Variants in AFF2 observed in about 807,000 individuals in gnomAD.
AFF2 encodes the protein ALF transcription elongation factor 2.
A neutral mutation model predicts 76.9 loss-of-function variants in AFF2; 14 were observed. The observed-to-expected ratio is 0.18, with a 90% CI of 0.12 to 0.28. AFF2 has a LOEUF of 0.28. Ranked by LOEUF, AFF2 falls within the 10% of genes least tolerant of loss-of-function variation. AFF2 has a pLI of 1.00. For synonymous variants in AFF2, 398 were observed against 366.7 expected, an observed-to-expected ratio of 1.09 and a Z score of -0.98; for missense variants, 868 against 1,001.1, an observed-to-expected ratio of 0.87 and a Z score of 1.79.
chrX:148,730,500 G>A (rs1557264589), intron 3 of AFF2, among the ~76,000 whole-genome samples: 1 of 112,778 alleles, frequency 8.9e-6, no homozygotes, highest in African/African-American at 3.2e-5. Context: ...TCAGATTATT[G>A]TAGAGTGTTA....
intron 3 of AFF2, among the ~76,000 whole-genome samples, chrX:148,731,727 GA>G (rs1363328772): frequency 1.0e-5 from 1 of 96,642 alleles, no homozygotes; most frequent in East Asian, 3.1e-4. Context: ...AAATTTACAA[GA>G]AAAAAACAAA....
chrX:148,789,553 C>T (rs2069865083), intron 3 of AFF2, among the ~76,000 whole-genome samples: 1 of 111,354 alleles, frequency 9.0e-6, no homozygotes. Context: ...TCACCAAAGG[C>T]ACACAACTAG....
At chrX:148,567,135 TAATAG>T (rs1194371996) in intron 1 of AFF2, among the ~76,000 whole-genome samples, 2 of 111,862 alleles carry the variant, frequency 1.8e-5, no homozygotes, top group Non-Finnish European at 3.8e-5. Flanking sequence ...GACTGAAATT[TAATAG>T]AAGACTGAAC....
chrX:148,624,774 C>A (rs914613873), intron 1 of AFF2, among the ~76,000 whole-genome samples: 1 of 111,864 alleles, frequency 8.9e-6, no homozygotes, highest in Admixed American at 9.5e-5. Flanking sequence ...TGTCACATGT[C>A]CAATTTTCCC....
chrX:148,986,813 T>C (rs189592164), intron 19 of AFF2, among the ~76,000 whole-genome samples: 2 of 113,183 alleles, frequency 1.8e-5, no homozygotes, highest in African/African-American at 6.4e-5. Flanking sequence ...GAAATCATCA[T>C]AGCTCTGAGC....
At chrX:148,606,764 G>A (rs1249573434) in intron 1 of AFF2, among the ~76,000 whole-genome samples, 1 of 111,569 alleles carries the variant, frequency 9.0e-6, no homozygotes, top group African/African-American at 3.3e-5. Flanking sequence ...CAATACCTCT[G>A]GATCATGATT....
At chrX:148,734,053 T>C (rs1215037773) in intron 3 of AFF2, among the ~76,000 whole-genome samples, 1 of 112,341 alleles carries the variant, frequency 8.9e-6, no homozygotes, top group Non-Finnish European at 1.9e-5. Context: ...TGCAGCCCTC[T>C]TGTCCACCCA....
At chrX:148,513,478 A>G (rs529487191) in intron 1 of AFF2, among the ~76,000 whole-genome samples, 1 of 111,663 alleles carries the variant, frequency 9.0e-6, no homozygotes, top group Non-Finnish European at 1.9e-5. Flanking sequence ...AGTTTGCCCA[A>G]CTGAAAAACT....
intron 1 of AFF2, among the ~76,000 whole-genome samples, chrX:148,527,738 A>G (rs1173850628): frequency 3.6e-5 from 4 of 111,476 alleles, no homozygotes; most frequent in African/African-American, 1.3e-4. Context: ...ACAAATGAGA[A>G]ATGTTCCCCC....
intron 3 of AFF2, among the ~76,000 whole-genome samples, chrX:148,792,873 C>T (rs782737871): frequency 5.4e-5 from 6 of 111,731 alleles, no homozygotes; most frequent in Non-Finnish European, 9.4e-5. Context: ...AGGAAATTTC[C>T]TACACTTTCA....
At chrX:148,539,092 G>GAAAAA (rs1557237031) in intron 1 of AFF2, among the ~76,000 whole-genome samples, 1 of 111,863 alleles carries the variant, frequency 8.9e-6, no homozygotes, top group Admixed American at 9.5e-5. Context: ...TTAAGCATGT[G>GAAAAA]ATGGGTTATA....
chrX:148,626,031 T>C (rs190557027), intron 1 of AFF2, among the ~76,000 whole-genome samples: 1 of 112,425 alleles, frequency 8.9e-6, no homozygotes, highest in East Asian at 2.8e-4. Flanking sequence ...AAGTAAATGG[T>C]TTTAAAAATT....
In AFF2 at chrX:148,508,850, G is replaced by A. The variant is rs148357043; in HGVS notation, c.47+7706G>A. 3.9e-3 allele frequency among the ~76,000 whole-genome samples: 429 copies of A among 111,167 alleles called. 1 individual carries two copies. The highest frequency in any genetic ancestry group is 0.013 in the African/African-American group (405 of 30,597). On this transcript the variant is annotated intron_variant, in intron 1 of 20. Transcript: ENST00000370460. ...TTGGTGTGTAGACGTTAATCAGGTCGTAGAAGCTAGAGTTTTAAGGCTGGA... is the reference window on the plus strand; with the variant it reads ...TTGGTGTGTAGACGTTAATCAGGTCATAGAAGCTAGAGTTTTAAGGCTGGA...
At chrX:148,866,242 A>G (rs2070905000) in intron 7 of AFF2, among the ~76,000 whole-genome samples, 1 of 112,173 alleles carries the variant, frequency 8.9e-6, no homozygotes. Flanking sequence ...TAGGATATAC[A>G]TTGGCTTTTA....
At chrX:148,917,362 T>C (rs1224788796) in intron 9 of AFF2, among the ~76,000 whole-genome samples, 1 of 112,187 alleles carries the variant, frequency 8.9e-6, no homozygotes, top group African/African-American at 3.2e-5. Context: ...TTTTCAAGAA[T>C]GATAGAAGTC....
intron 1 of AFF2, among the ~76,000 whole-genome samples, chrX:148,610,973 C>T (rs1336493615): frequency 8.9e-6 from 1 of 112,248 alleles, no homozygotes; most frequent in Non-Finnish European, 1.9e-5. Flanking sequence ...TATTAGTTGA[C>T]ATTGAAAGCA....
chrX:148,846,027 A>AAACATTGG (rs2070662851), intron 7 of AFF2, among the ~76,000 whole-genome samples: 1 of 112,183 alleles, frequency 8.9e-6, no homozygotes, highest in Admixed American at 9.5e-5. Context: ...CCAGGTCTGA[A>AAACATTGG]AACATTGGCC....
intron 9 of AFF2, among the ~76,000 whole-genome samples, chrX:148,952,789 CTCT>C (rs1262831901): frequency 8.9e-6 from 1 of 111,988 alleles, no homozygotes; most frequent in Non-Finnish European, 1.9e-5. Context: ...GCTGGTTGCT[CTCT>C]TATGATCATA....
intron 1 of AFF2, among the ~76,000 whole-genome samples, chrX:148,523,790 ACT>A (rs1343375921): frequency 1.8e-5 from 2 of 112,024 alleles, no homozygotes; most frequent in Non-Finnish European, 3.8e-5. Context: ...ATATTTCAAC[ACT>A]GTCGCTGCTC....
Sources: gnomAD v4.1 joint callset for allele counts (sites outside exome capture counted in the v4.1 genomes callset) on GRCh38, gnomAD v4.1.1 for gene constraint, MANE v1.5 for transcripts, NCBI Gene and HGNC (gene_info 2026-07-23, HGNC 2026-07-21) for gene names.